Variants in TRIM62 observed in about 807,000 individuals in gnomAD.
TRIM62 encodes E3 ubiquitin-protein ligase TRIM62.
TRIM62 carries 39 observed loss-of-function variants against 44.2 expected under a neutral mutation model. The ratio of observed to expected loss-of-function variants is 0.88; its 90% CI spans 0.68 to 1.15. The LOEUF (loss-of-function observed/expected upper bound fraction) is 1.15. Among genes scored for constraint, TRIM62 ranks in the 50% most tolerant of loss-of-function variants. The pLI is 0.00. For synonymous variants in TRIM62, 278 were observed against 292.3 expected (o/e 0.95, Z 0.50); for missense variants, 544 against 665.5 (o/e 0.82, Z 2.01).
intron 4 of TRIM62, among the ~76,000 whole-genome samples, chr1:33,150,116 GA>G (rs1232456192): frequency 2.0e-5 from 3 of 152,234 alleles, no homozygotes; most frequent in Non-Finnish European, 4.4e-5. Flanking sequence ...GGAGAAGGAG[GA>G]AACTGGGATT....
At chr1:33,178,351 C>A (rs1348704804) in intron 1 of TRIM62, among the ~76,000 whole-genome samples, 1 of 152,198 alleles carries the variant, frequency 6.6e-6, no homozygotes, top group Non-Finnish European at 1.5e-5. Context: ...GAGGGAGAGG[C>A]AGGTGGGGTG....
chr1:33,159,737 C>T lies in TRIM62; in HGVS notation c.712G>A (p.Glu238Lys), dbSNP rs749577544. ...GAQILQERLA[E>K]TDRHTFLAGV... ...GCCAGGAAGGTGTGCCGGTCGGTTT[C>T]AGCCAGCCGCTCCTGCAGGATCTGG... is the stretch of plus-strand genomic sequence containing the variant. The change falls in exon 3 of 5, where the codon GAA (glutamate) becomes AAA (lysine). Residue 238 changes from glutamate to lysine, a missense_variant. Glu to Lys is a moderately conservative substitution (Grantham distance 56). Coordinates refer to ENST00000291416, the MANE Select transcript of TRIM62 (RefSeq NM_018207.3). The surrounding 1 kb of genome is among the most constrained non-coding windows in gnomAD (Gnocchi z 4.2). 4 of 1,612,568 alleles carry T rather than the reference C, an allele frequency of 2.5e-6. No individual in the cohort carries two copies. The highest frequency in any genetic ancestry group is 3.4e-6 in the Non-Finnish European group (4 of 1,179,760).
intron 4 of TRIM62, 106 bp downstream of exon 4, chr1:33,158,147 C>T: frequency 1.0e-6 from 1 of 1,000,268 alleles, no homozygotes; most frequent in Non-Finnish European, 1.5e-6. Flanking sequence ...CAGCAAGGCA[C>T]TCTGCTCATT....
Position 33,181,501 on chromosome 1 carries a change from G to T in TRIM62, c.-69C>A. On this transcript the variant is annotated 5_prime_UTR_variant, in exon 1 of 5. Transcript: ENST00000291416. The surrounding 1 kb of genome is among the most constrained non-coding windows in gnomAD (Gnocchi z 6.5). ...CGGCTGAGAGAGCGCGGCGCTGTCG[G>T]AGGCAGCACCGAGGGCTGGGCGCGG... The T allele has an allele frequency of 6.7e-7, 1 of 1,491,056 alleles. No homozygotes were observed. The highest frequency in any genetic ancestry group is 8.8e-7 in the Non-Finnish European group (1 of 1,130,904). The allele number at this position is 1,491,056 out of a possible 1,614,324, so 92.4% of individuals were successfully genotyped here. A position where few individuals can be genotyped will look rare whatever the true frequency, so the allele number is the denominator to read the frequency against.
intron 1 of TRIM62, among the ~76,000 whole-genome samples, chr1:33,175,050 T>TATGTA (rs1557762590): frequency 2.0e-5 from 3 of 151,398 alleles, no homozygotes; most frequent in Non-Finnish European, 2.9e-5. Flanking sequence ...TGTATATGTA[T>TATGTA]TTTTTTTAAG....
chr1:33,157,038 C>A (rs57879134), intron 4 of TRIM62, among the ~76,000 whole-genome samples: 1 of 151,216 alleles, frequency 6.6e-6, no homozygotes, highest in Non-Finnish European at 1.5e-5. Flanking sequence ...TCACCCCCTT[C>A]GGTCTATTCT....
intron 1 of TRIM62, among the ~76,000 whole-genome samples, chr1:33,175,505 C>T (rs1391929459): frequency 6.6e-6 from 1 of 152,162 alleles, no homozygotes. Flanking sequence ...TAACCCTGGG[C>T]AAGGCAGTTT....
chr1:33,175,434 G>A (rs1645411697), intron 1 of TRIM62, among the ~76,000 whole-genome samples: 1 of 152,196 alleles, frequency 6.6e-6, no homozygotes, highest in African/African-American at 2.4e-5. Context: ...ATGGAGGTCA[G>A]GAAGGTAAAT....
Position 33,145,919 on chromosome 1 carries a change from C to T in TRIM62, c.*1258G>A, listed in dbSNP as rs1243175480. 2 of 471,012 alleles carry T rather than the reference C, an allele frequency of 4.2e-6. No individual in the cohort carries two copies. Among genetic ancestry groups the T allele is most frequent in the Admixed American group, 2.3e-5 (1 of 42,578 alleles). The allele number at this position is 471,012 out of a possible 1,614,324, so 29.2% of individuals were successfully genotyped here. Reference sequence around the variant, plus strand: ...CAAGGTTCTGGATCTGACTTAAGTTCCCCCAAACAGAATCTCTTGTAAAAA... The same window carrying T: ...CAAGGTTCTGGATCTGACTTAAGTTTCCCCAAACAGAATCTCTTGTAAAAA... On this transcript the variant is annotated 3_prime_UTR_variant, in exon 5 of 5. Coordinates refer to ENST00000291416, the MANE Select transcript of TRIM62 (RefSeq NM_018207.3).
chr1:33,178,273 G>T (rs1645436728), intron 1 of TRIM62, among the ~76,000 whole-genome samples: 1 of 152,240 alleles, frequency 6.6e-6, no homozygotes, highest in Admixed American at 6.5e-5. Flanking sequence ...GAGAGAAGGG[G>T]ATGTGAGGGT....
chr1:33,167,237 C>T lies in TRIM62; in HGVS notation c.409-1671G>A, dbSNP rs532916248. 7.2e-5 allele frequency among the ~76,000 whole-genome samples: 11 copies of T among 152,330 alleles called. No homozygotes were observed. The highest frequency in any genetic ancestry group is 1.9e-4 in the East Asian group (1 of 5,188). On this transcript the variant is annotated intron_variant, in intron 1 of 4. Coordinates refer to ENST00000291416, the MANE Select transcript of TRIM62 (RefSeq NM_018207.3). The surrounding 1 kb of genome is among the most constrained non-coding windows in gnomAD (Gnocchi z 4.2). ...ATACCCTGTCACACATCTGGATTCA[C>T]GGTCTTCCTTGCGCCTTCTGCTGTC...
intron 1 of TRIM62, among the ~76,000 whole-genome samples, chr1:33,171,028 C>A (rs977167815): frequency 6.6e-6 from 1 of 152,214 alleles, no homozygotes; most frequent in South Asian, 2.1e-4. Flanking sequence ...CCCCTCCTTC[C>A]CTTCTCAGAT....
intron 1 of TRIM62, among the ~76,000 whole-genome samples, chr1:33,172,871 C>T (rs968723865): frequency 2.0e-5 from 3 of 152,214 alleles, no homozygotes; most frequent in African/African-American, 7.2e-5. Flanking sequence ...GTGTTCAAAT[C>T]CTGACAGCAT....
At chr1:33,175,049 A>AT (rs1553171955) in intron 1 of TRIM62, among the ~76,000 whole-genome samples, 1 of 150,818 alleles carries the variant, frequency 6.6e-6, no homozygotes, top group East Asian at 1.9e-4. Context: ...ATGTATATGT[A>AT]TTTTTTTTAA....
intron 1 of TRIM62, among the ~76,000 whole-genome samples, chr1:33,173,351 C>T (rs770459566): frequency 1.3e-5 from 2 of 152,182 alleles, no homozygotes; most frequent in Non-Finnish European, 2.9e-5. Context: ...TTGTTTCTGG[C>T]TTCCTAGCAT....
At chr1:33,180,953 T>TGGGGGGGGGGGGGGGGGGGG in intron 1 of TRIM62, 72 bp downstream of exon 1, 1 of 724,330 alleles carries the variant, frequency 1.4e-6, no homozygotes, top group Non-Finnish European at 2.0e-6. Flanking sequence ...GGTCCAGCCC[T>TGGGGGGGGGGGGGGGGGGGG]GACCCCACCC....
Position 33,165,225 on chromosome 1 carries a change from G to A in TRIM62, c.504+246C>T, listed in dbSNP as rs1295164938. On this transcript the variant is annotated intron_variant, in intron 2 of 4. Transcript: ENST00000291416. The surrounding 1 kb of genome is among the most constrained non-coding windows in gnomAD (Gnocchi z 4.0). ...AAAGTGGGAAGGGAGAAATGGCCCC[G>A]TCCTTAACCGAGGGACCAGCCCACA... 2.5e-6 allele frequency: 1 copy of A among 402,110 alleles called. No individual in the cohort carries two copies. Among genetic ancestry groups the A allele is most frequent in the African/African-American group, 2.1e-5 (1 of 48,296 alleles). 24.9% of individuals were successfully genotyped at this position (402,110 alleles called of 1,614,324 possible). A position where few individuals can be genotyped will look rare whatever the true frequency, so the allele number is the denominator to read the frequency against.
At chr1:33,168,458 C>T (rs632612) in intron 1 of TRIM62, among the ~76,000 whole-genome samples, 149,345 of 152,280 alleles carry the variant, frequency 0.98, 73,282 homozygotes, top group Middle Eastern at 1. Context: ...GATTTCAAGC[C>T]ATCAGTGTGA....
At chr1:33,174,945 G>GTGTTTATA (rs1172648170) in intron 1 of TRIM62, among the ~76,000 whole-genome samples, 1 of 141,744 alleles carries the variant, frequency 7.1e-6, no homozygotes, top group African/African-American at 2.7e-5. Flanking sequence ...ATATATGTGT[G>GTGTTTATA]TATATATATA....
Sources: gnomAD v4.1 joint callset for allele counts (sites outside exome capture counted in the v4.1 genomes callset) on GRCh38, gnomAD v4.1.1 for gene constraint, Gnocchi (gnomAD v3.1) non-coding constraint, MANE v1.5 for transcripts, NCBI Gene and HGNC (gene_info 2026-07-23, HGNC 2026-07-21) for gene names.